The following ABLIM1 variants were observed in gnomAD, a reference collection of about 807,000 sequenced individuals.
ABLIM1 encodes the protein actin binding LIM protein 1.
Under a neutral mutation model 107.0 loss-of-function variants are expected in ABLIM1, and 40 were observed. That is an observed-to-expected ratio of 0.37 (90% CI 0.29 to 0.49). The LOEUF is 0.49. Among genes scored for constraint, ABLIM1 ranks in the 20% least tolerant of loss-of-function variants. The pLI is 0.97. For synonymous variants in ABLIM1, 357 were observed against 357.3 expected, an observed-to-expected ratio of 1.00 and a Z score of 0.01; for missense variants, 857 against 1,008.5, an observed-to-expected ratio of 0.85 and a Z score of 2.04.
In ABLIM1 at chr10:114,657,354, A is replaced by G. The variant is rs2079571363; in HGVS notation, c.244+603T>C. On this transcript the variant is annotated intron_variant, in intron 1 of 22. Transcript: ENST00000533213. ...ACCATGATAACTTCAAAGTCTGAAA[A>G]CTCCCAAGTGCAATAACTCTATCCT... is the stretch of plus-strand genomic sequence containing the variant. Among the ~76,000 whole-genome samples the G allele has an allele frequency of 2.0e-5, 3 of 152,004 alleles. No individual in the cohort carries two copies. The South Asian group carries it at 6.2e-4, about 32-fold the overall frequency.
At chr10:114,436,599 T>A (rs1490851604) in intron 22 of ABLIM1, among the ~76,000 whole-genome samples, 1 of 152,128 alleles carries the variant, frequency 6.6e-6, no homozygotes, top group Non-Finnish European at 1.5e-5. Flanking sequence ...TTAATGGGGA[T>A]TATAATAATA....
At chr10:114,467,794 T>C (rs1472746025) in intron 11 of ABLIM1, among the ~76,000 whole-genome samples, 2 of 152,206 alleles carry the variant, frequency 1.3e-5, no homozygotes, top group Non-Finnish European at 2.9e-5. Context: ...CCCATCAAGA[T>C]GGCTCTGCTT....
At chr10:114,474,123 A>G (rs908136526) in intron 8 of ABLIM1, among the ~76,000 whole-genome samples, 167 bp from the exon 9 acceptor site, 2 of 152,178 alleles carry the variant, frequency 1.3e-5, no homozygotes, top group Non-Finnish European at 2.9e-5. Flanking sequence ...AATGCAAACT[A>G]GTTGTACGAT....
chr10:114,621,842 G>T (rs538987430), intron 1 of ABLIM1, among the ~76,000 whole-genome samples: 2 of 152,344 alleles, frequency 1.3e-5, no homozygotes, highest in African/African-American at 2.4e-5. Flanking sequence ...GCCGCTACTA[G>T]AAGCCCTTCG....
intron 4 of ABLIM1, 23 bp downstream of exon 4, chr10:114,571,274 C>T (rs1481608245): frequency 1.2e-6 from 2 of 1,609,772 alleles, no homozygotes; most frequent in Non-Finnish European, 1.7e-6. Context: ...GTATTCACGT[C>T]AGTGGGTCAC....
At chr10:114,483,616 T>A (rs2057728989) in intron 8 of ABLIM1, among the ~76,000 whole-genome samples, 1 of 152,210 alleles carries the variant, frequency 6.6e-6, no homozygotes, top group South Asian at 2.1e-4. Flanking sequence ...CTCAGGGGGT[T>A]GACCTCTAAA....
At chr10:114,700,099 T>C (rs917827599) in intron 1 of ABLIM1, among the ~76,000 whole-genome samples, 1 of 152,130 alleles carries the variant, frequency 6.6e-6, no homozygotes. Flanking sequence ...ACATCCAACC[T>C]GTGACTCTAC....
chr10:114,707,185 T>C lies in ABLIM1; in HGVS notation c.-213+60876A>G, dbSNP rs745329845. Among the ~76,000 whole-genome samples the C allele has an allele frequency of 1.4e-4, 22 of 152,182 alleles. No homozygotes were observed. Among genetic ancestry groups the C allele is most frequent in the Non-Finnish European group, 3.1e-4 (21 of 68,040 alleles). The stretch of plus-strand genomic sequence containing the variant: ...TGATGAGTGACTACCATACATACAG[T>C]GCAATTAGAGACCATCATATCCCAA... On this transcript the variant is annotated intron_variant, in intron 1 of 15. Coordinates refer to the ABLIM1 transcript ENST00000651092. The surrounding 1 kb of genome is among the most constrained non-coding windows in gnomAD (Gnocchi z 4.1).
chr10:114,785,298 T>C, the ABLIM1 span, among the ~76,000 whole-genome samples: 2 of 152,244 alleles, frequency 1.3e-5, no homozygotes, highest in African/African-American at 4.8e-5. Flanking sequence ...TGTGTAGTAC[T>C]GAGTACACTG....
intron 1 of ABLIM1, among the ~76,000 whole-genome samples, chr10:114,656,269 CAAAAAA>C (rs71007486): frequency 1.6e-5 from 1 of 63,572 alleles, no homozygotes; most frequent in Non-Finnish European, 2.8e-5. Context: ...AACTCCGTCT[CAAAAAA>C]AAAAAAAAAA....
the ABLIM1 span, among the ~76,000 whole-genome samples, chr10:114,781,165 T>C: frequency 6.6e-6 from 1 of 152,154 alleles, no homozygotes; most frequent in Non-Finnish European, 1.5e-5. Context: ...TGTACTCTTC[T>C]TAGTATTGTA....
intron 3 of ABLIM1, among the ~76,000 whole-genome samples, chr10:114,572,560 G>A (rs766017192): frequency 5.3e-5 from 8 of 152,136 alleles, no homozygotes; most frequent in Non-Finnish European, 1.0e-4. Context: ...TGTCACTTTC[G>A]GCAGTACAGT....
At chr10:114,647,278 C>A (rs2497700) in intron 1 of ABLIM1, among the ~76,000 whole-genome samples, 1 of 146,032 alleles carries the variant, frequency 6.8e-6, no homozygotes, top group Non-Finnish European at 1.5e-5. Context: ...AGATTACAGG[C>A]GTGAGCCACC....
At chr10:114,568,646 C>T (rs1334008437) in intron 4 of ABLIM1, among the ~76,000 whole-genome samples, 2 of 152,104 alleles carry the variant, frequency 1.3e-5, no homozygotes, top group South Asian at 2.1e-4. Flanking sequence ...ACACACACCC[C>T]ATAAATGCCA....
intron 1 of ABLIM1, among the ~76,000 whole-genome samples, chr10:114,704,721 G>A (rs1221619982): frequency 1.3e-5 from 2 of 151,962 alleles, no homozygotes; most frequent in Non-Finnish European, 2.9e-5. Context: ...CTTTTCTCTG[G>A]CATGCATGGG....
chr10:114,448,758 C>A (rs1031209869), intron 14 of ABLIM1, among the ~76,000 whole-genome samples: 3 of 152,120 alleles, frequency 2.0e-5, no homozygotes, highest in Non-Finnish European at 4.4e-5. Flanking sequence ...GGATTAAAGG[C>A]ATGCACCACC....
chr10:114,617,150 G>GAT (rs1478837757), intron 1 of ABLIM1, among the ~76,000 whole-genome samples: 1 of 152,148 alleles, frequency 6.6e-6, no homozygotes, highest in African/African-American at 2.4e-5. Flanking sequence ...GAAAGAGAAG[G>GAT]ATATATACTA....
At chr10:114,750,228 C>T (rs1211306542) in intron 1 of ABLIM1, among the ~76,000 whole-genome samples, 1 of 152,094 alleles carries the variant, frequency 6.6e-6, no homozygotes, top group African/African-American at 2.4e-5. Context: ...TAACAGTATC[C>T]ACAAATATTG....
At chr10:114,737,921 T>C (rs2082213007) in intron 1 of ABLIM1, among the ~76,000 whole-genome samples, 1 of 152,174 alleles carries the variant, frequency 6.6e-6, no homozygotes, top group African/African-American at 2.4e-5. Context: ...GATATATGGA[T>C]GTTCACTCTA....
Sources: allele counts gnomAD v4.1 joint callset (sites outside exome capture counted in the v4.1 genomes callset), GRCh38; gene constraint gnomAD v4.1.1; non-coding constraint Gnocchi (gnomAD v3.1); transcripts MANE v1.5; gene names NCBI Gene and HGNC (gene_info 2026-07-23, HGNC 2026-07-21).